Variants in DBF4B observed in about 807,000 individuals in gnomAD.
The protein encoded by DBF4B is protein DBF4 homolog B.
A neutral mutation model predicts 53.4 loss-of-function variants in DBF4B; 49 were observed. The ratio of observed to expected loss-of-function variants is 0.92; its 90% CI spans 0.73 to 1.16. DBF4B has a LOEUF of 1.16. Ranked by LOEUF, DBF4B falls within the 50% of genes most tolerant of loss-of-function variation. DBF4B has a pLI of 0.00. For synonymous variants in DBF4B, 257 were observed against 288.7 expected (o/e 0.89, Z 1.11); for missense variants, 692 against 775.0 (o/e 0.89, Z 1.27).
intron 6 of DBF4B, chr17:44,732,524 C>T (rs890221625): frequency 2.6e-5 from 12 of 457,632 alleles, no homozygotes; most frequent in African/African-American, 2.2e-4. Flanking sequence ...ACAGCTCTCC[C>T]CCAGCTAGTA....
chr17:44,732,308 A>T, intron 6 of DBF4B, 43 bp downstream of exon 6: 2 of 1,603,528 alleles, frequency 1.2e-6, no homozygotes, highest in Non-Finnish European at 1.7e-6. Flanking sequence ...AGAATTGGTG[A>T]CTTTGACCAG....
At position 44,751,527 on chromosome 17, in the gene DBF4B, C is replaced by CTGACGCT; in HGVS notation, c.*274_*275insTGACGCT. 1 of 1,318,524 alleles carries CTGACGCT rather than the reference C, an allele frequency of 7.6e-7. No homozygotes were observed. The highest frequency in any genetic ancestry group is 9.6e-7 in the Non-Finnish European group (1 of 1,037,316). The allele number at this position is 1,318,524 out of a possible 1,614,324, so 81.7% of individuals were successfully genotyped here. On this transcript the variant is annotated 3_prime_UTR_variant, in exon 14 of 14. Coordinates refer to ENST00000315005, the MANE Select transcript of DBF4B (RefSeq NM_145663.3). ...CTGTCCCTGGCCCTCCAGCCCACCT[C>CTGACGCT]GCCAACCACTCTTGTTGGTTTCCTT...
chr17:44,739,940 T>C (rs1975835144), intron 9 of DBF4B, among the ~76,000 whole-genome samples: 1 of 152,208 alleles, frequency 6.6e-6, no homozygotes, highest in South Asian at 2.1e-4. Flanking sequence ...AATTTTTGTA[T>C]TTTTTGTAGA....
intron 13 of DBF4B, chr17:44,750,114 A>G (rs1316487690): frequency 1.0e-6 from 1 of 996,004 alleles, no homozygotes; most frequent in Non-Finnish European, 1.2e-6. Flanking sequence ...TTCCGGGGCC[A>G]GTGTGTCACC....
intron 2 of DBF4B, among the ~76,000 whole-genome samples, chr17:44,720,864 CT>C (rs35497738): frequency 3.6e-3 from 503 of 141,300 alleles, no homozygotes; most frequent in East Asian, 6.3e-3. Context: ...TATTATCTGG[CT>C]TTTTTTTTTT....
At chr17:44,713,937 T>G (rs1445841532) in intron 2 of DBF4B, among the ~76,000 whole-genome samples, 1 of 151,558 alleles carries the variant, frequency 6.6e-6, no homozygotes, top group Non-Finnish European at 1.5e-5. Flanking sequence ...CTTTCCTGTG[T>G]TGGATCTCCT....
chr17:44,716,159 T>C (rs1973323387), intron 2 of DBF4B, among the ~76,000 whole-genome samples: 1 of 152,098 alleles, frequency 6.6e-6, no homozygotes, highest in Non-Finnish European at 1.5e-5. Context: ...CCTTTAAATG[T>C]CTGATGATCT....
Position 44,750,612 on chromosome 17 carries a change from G to T in DBF4B, c.1207G>T (p.Ala403Ser). 3 of 1,611,704 alleles carry T rather than the reference G, an allele frequency of 1.9e-6. No individual in the cohort carries two copies. Among genetic ancestry groups the T allele is most frequent in the Non-Finnish European group, 2.5e-6 (3 of 1,178,456 alleles). ...CQASVTQGRA[A>S]GQQRWTESLD... ...CCCTCCAGTGACCCAAGGCAGGGCT[G>T]CGGGCCAGCAGCGATGGACAGAATC... Residue 403 changes from alanine (A) to serine (S), a missense_variant, in exon 14 of 14, where the codon GCG (alanine) becomes TCG (serine). Physicochemically the swap from Ala to Ser is moderately conservative, Grantham distance 99. Around this residue, in one of 3 missense-constraint regions of DBF4B, gnomAD observed 597 missense variants for 665.8 expected, o/e 0.90. Coordinates refer to ENST00000315005, the MANE Select transcript of DBF4B (RefSeq NM_145663.3).
chr17:44,744,831 A>G (rs1268817942), intron 10 of DBF4B, among the ~76,000 whole-genome samples: 1 of 152,176 alleles, frequency 6.6e-6, no homozygotes, highest in Non-Finnish European at 1.5e-5. Context: ...GAATGAGGCT[A>G]AGTAAGTTTG....
At position 44,751,739 on chromosome 17, in the gene DBF4B, G is replaced by T; in HGVS notation, c.*486G>T. 3 of 1,457,926 alleles carry T rather than the reference G, an allele frequency of 2.1e-6. No individual in the cohort carries two copies. The highest frequency in any genetic ancestry group is 2.7e-6 in the Non-Finnish European group (3 of 1,105,948). The allele number at this position is 1,457,926 out of a possible 1,614,324, so 90.3% of individuals were successfully genotyped here. A position where few individuals can be genotyped will look rare whatever the true frequency, so the allele number is the denominator to read the frequency against. Reference sequence around the variant, plus strand: ...CTTCCCTTCCACACTTCCTTCCTGGGTAGCTCTGCCTGAAGCATTCCACTA... The same window carrying T: ...CTTCCCTTCCACACTTCCTTCCTGGTTAGCTCTGCCTGAAGCATTCCACTA... On this transcript the variant is annotated 3_prime_UTR_variant, in exon 14 of 14. Transcript: ENST00000315005.
chr17:44,752,002 C>G lies in DBF4B; in HGVS notation c.*749C>G. 2.0e-6 allele frequency: 3 copies of G among 1,534,400 alleles called. No individual in the cohort carries two copies. The highest frequency in any genetic ancestry group is 1.7e-6 in the Non-Finnish European group (2 of 1,145,374). ...CACCTGAAGAGCCCTCCAGCCCTAA[C>G]TACTTTACTCAGACTAGGTCCCCAG... On this transcript the variant is annotated 3_prime_UTR_variant, in exon 14 of 14. Coordinates refer to ENST00000315005, the MANE Select transcript of DBF4B (RefSeq NM_145663.3).
At chr17:44,743,872 T>G (rs1181421808) in intron 10 of DBF4B, among the ~76,000 whole-genome samples, 1 of 151,070 alleles carries the variant, frequency 6.6e-6, no homozygotes, top group Non-Finnish European at 1.5e-5. Flanking sequence ...CCTCCCAAAA[T>G]GCTGGGATTA....
In DBF4B at chr17:44,749,836, G is replaced by T; in HGVS notation, c.1190-759G>T. On this transcript the variant is annotated intron_variant, in intron 13 of 13. Coordinates refer to ENST00000315005, the MANE Select transcript of DBF4B (RefSeq NM_145663.3). The surrounding 1 kb of genome is among the most constrained non-coding windows in gnomAD (Gnocchi z 4.4). ...CCCCAACCCCGGCCTCCTTTCTCAC[G>T]AGCATGTGGCCGCTCCTGCTTTCCA... 1 of 1,030,812 alleles carries T rather than the reference G, an allele frequency of 9.7e-7. No homozygotes were observed. Among genetic ancestry groups the T allele is most frequent in the Non-Finnish European group, 1.2e-6 (1 of 857,222 alleles). The allele number at this position is 1,030,812 out of a possible 1,614,324, so 63.9% of individuals were successfully genotyped here. A position where few individuals can be genotyped will look rare whatever the true frequency, so the allele number is the denominator to read the frequency against.
At chr17:44,717,289 AG>A (rs1469495079) in intron 2 of DBF4B, among the ~76,000 whole-genome samples, 6 of 152,214 alleles carry the variant, frequency 3.9e-5, no homozygotes. Context: ...TGATGTGGAT[AG>A]ATCTTTTCGT....
At chr17:44,729,471 G>A (rs1314508583) in intron 3 of DBF4B, among the ~76,000 whole-genome samples, 1 of 152,168 alleles carries the variant, frequency 6.6e-6, no homozygotes, top group South Asian at 2.1e-4. Context: ...CTCCTACAGT[G>A]CTAGGATTAC....
At chr17:44,725,978 G>A (rs903807696) in intron 3 of DBF4B, among the ~76,000 whole-genome samples, 1 of 151,448 alleles carries the variant, frequency 6.6e-6, no homozygotes, top group Non-Finnish European at 1.5e-5. Flanking sequence ...CTGAGGCACT[G>A]CTACTGGCCC....
chr17:44,721,889 C>T (rs1310765157), intron 2 of DBF4B, among the ~76,000 whole-genome samples: 1 of 151,318 alleles, frequency 6.6e-6, no homozygotes, highest in Non-Finnish European at 1.5e-5. Context: ...AATCCCAGCA[C>T]TTTGGGAGGC....
intron 3 of DBF4B, among the ~76,000 whole-genome samples, chr17:44,726,615 C>A (rs1974368716): frequency 6.6e-6 from 1 of 151,986 alleles, no homozygotes; most frequent in African/African-American, 2.4e-5. Context: ...AAAGCGTTAG[C>A]ACTTTTCTAC....
chr17:44,741,308 G>A, intron 9 of DBF4B, 28 bp from the exon 10 acceptor site: 1 of 1,539,634 alleles, frequency 6.5e-7, no homozygotes, highest in African/African-American at 1.4e-5. Context: ...CCCCATTGTA[G>A]TCAAAGTGGA....
Sources: gnomAD v4.1 joint callset for allele counts (sites outside exome capture counted in the v4.1 genomes callset) on GRCh38, gnomAD v4.1.1 for gene constraint, gnomAD v4.1.1 regional missense constraint, Gnocchi (gnomAD v3.1) non-coding constraint, MANE v1.5 for transcripts, NCBI Gene and HGNC (gene_info 2026-07-23, HGNC 2026-07-21) for gene names.